The following SGCZ variants were observed in gnomAD, a reference collection of about 807,000 sequenced individuals.
SGCZ encodes sarcoglycan zeta, also known as zeta-sarcoglycan.
A neutral mutation model predicts 41.3 loss-of-function variants in SGCZ; 40 were observed. The observed-to-expected ratio is 0.97, with a 90% CI of 0.75 to 1.26. The LOEUF (loss-of-function observed/expected upper bound fraction) is 1.26, where lower values mean the gene tolerates loss of function less well. Ranked by LOEUF, SGCZ falls within the 50% of genes most tolerant of loss-of-function variation. SGCZ has a pLI of 0.00. For synonymous variants in SGCZ, 206 were observed against 137.5 expected, an observed-to-expected ratio of 1.50 and a Z score of -3.49; for missense variants, 552 against 369.8, an observed-to-expected ratio of 1.49 and a Z score of -4.04.
intron 4 of SGCZ, among the ~76,000 whole-genome samples, chr8:14,176,404 C>T (rs763177422): frequency 1.3e-5 from 2 of 152,076 alleles, no homozygotes; most frequent in Non-Finnish European, 2.9e-5. Flanking sequence ...TTAAAATAAG[C>T]CATGAGCCAA....
At chr8:15,120,275 T>A (rs1225496859) in intron 1 of SGCZ, among the ~76,000 whole-genome samples, 2 of 152,256 alleles carry the variant, frequency 1.3e-5, no homozygotes, top group African/African-American at 4.8e-5. Flanking sequence ...TGTTTAAGCC[T>A]ATTTAAAATT....
intron 1 of SGCZ, among the ~76,000 whole-genome samples, chr8:14,798,434 G>C (rs1459286396): frequency 6.6e-6 from 1 of 152,042 alleles, no homozygotes; most frequent in Admixed American, 6.6e-5. Flanking sequence ...AAGTACACTG[G>C]TTTATCAAAG....
At chr8:14,407,723 T>C (rs954524043) in intron 2 of SGCZ, among the ~76,000 whole-genome samples, 1 of 152,212 alleles carries the variant, frequency 6.6e-6, no homozygotes, top group African/African-American at 2.4e-5. Context: ...TTCCCATTTG[T>C]TGTGAAAAGA....
At chr8:14,726,562 G>C (rs1042547793) in intron 1 of SGCZ, among the ~76,000 whole-genome samples, 1 of 151,626 alleles carries the variant, frequency 6.6e-6, no homozygotes, top group Non-Finnish European at 1.5e-5. Context: ...TAGCAATTAT[G>C]TGTTTCCCCT....
intron 2 of SGCZ, among the ~76,000 whole-genome samples, chr8:14,365,978 G>T (rs1280207600): frequency 6.6e-6 from 1 of 151,904 alleles, no homozygotes; most frequent in Non-Finnish European, 1.5e-5. Context: ...TTCTGTCTTT[G>T]TTATTTTTCT....
intron 4 of SGCZ, among the ~76,000 whole-genome samples, chr8:14,224,012 A>C (rs371940582): frequency 1.3e-5 from 2 of 152,212 alleles, no homozygotes. Flanking sequence ...CAGAGAAGTC[A>C]ACTGGACACC....
At chr8:14,468,449 T>A (rs927058497) in intron 2 of SGCZ, among the ~76,000 whole-genome samples, 1 of 152,122 alleles carries the variant, frequency 6.6e-6, no homozygotes, top group African/African-American at 2.4e-5. Flanking sequence ...TCTCAAAATT[T>A]TTATTCAATG....
intron 1 of SGCZ, among the ~76,000 whole-genome samples, chr8:14,940,834 G>A (rs768368945): frequency 1.3e-5 from 2 of 151,960 alleles, no homozygotes; most frequent in South Asian, 2.1e-4. Flanking sequence ...AGGGGGAGAC[G>A]TTTTACGTGT....
intron 1 of SGCZ, among the ~76,000 whole-genome samples, chr8:14,889,577 T>C (rs1433863707): frequency 6.6e-6 from 1 of 152,074 alleles, no homozygotes; most frequent in Admixed American, 6.5e-5. Context: ...AAAATTCTTA[T>C]CTATAAAATG....
At chr8:14,953,482 C>A (rs891134205) in intron 1 of SGCZ, among the ~76,000 whole-genome samples, 2 of 152,128 alleles carry the variant, frequency 1.3e-5, no homozygotes, top group African/African-American at 4.8e-5. Context: ...CATATTATCA[C>A]CCCTCCCAGC....
chr8:15,005,431 G>C (rs566181378), intron 1 of SGCZ, among the ~76,000 whole-genome samples: 4 of 148,614 alleles, frequency 2.7e-5, no homozygotes, highest in African/African-American at 5.0e-5. Flanking sequence ...TCCTGGGTTC[G>C]AGCGATTCTC....
intron 1 of SGCZ, among the ~76,000 whole-genome samples, chr8:14,626,001 G>C (rs1157943514): frequency 6.6e-6 from 1 of 152,132 alleles, no homozygotes; most frequent in Non-Finnish European, 1.5e-5. Context: ...AAAGAAAAAG[G>C]GGCAGTCGCA....
intron 3 of SGCZ, among the ~76,000 whole-genome samples, chr8:14,254,908 T>C (rs1427925638): frequency 1.3e-5 from 2 of 152,102 alleles, no homozygotes; most frequent in South Asian, 2.1e-4. Context: ...TGACTATGAA[T>C]TTGCACAAAG....
At chr8:14,759,955 G>A (rs891713855) in intron 1 of SGCZ, among the ~76,000 whole-genome samples, 1 of 152,106 alleles carries the variant, frequency 6.6e-6, no homozygotes, top group Non-Finnish European at 1.5e-5. Flanking sequence ...TTAAAAACTT[G>A]AAATTGTAAA....
chr8:14,577,629 C>T (rs965016649), intron 1 of SGCZ, among the ~76,000 whole-genome samples: 1 of 152,124 alleles, frequency 6.6e-6, no homozygotes, highest in African/African-American at 2.4e-5. Context: ...CTCAGGTGAT[C>T]TGCCCGCCTC....
chr8:14,156,509 C>G (rs939899585), intron 5 of SGCZ, among the ~76,000 whole-genome samples: 11 of 151,932 alleles, frequency 7.2e-5, no homozygotes, highest in Non-Finnish European at 1.5e-4. Context: ...TTTCTTTCTT[C>G]AACAATAACC....
intron 1 of SGCZ, among the ~76,000 whole-genome samples, chr8:14,700,583 C>T (rs142692563): frequency 8.4e-4 from 127 of 151,810 alleles, no homozygotes; most frequent in Middle Eastern, 6.8e-3. Flanking sequence ...ATGTAACATA[C>T]CAGCACATGT....
intron 1 of SGCZ, among the ~76,000 whole-genome samples, chr8:15,225,002 A>AT (rs768500093): frequency 1.1e-4 from 17 of 152,182 alleles, no homozygotes; most frequent in Non-Finnish European, 1.9e-4. Context: ...TCTAAACAAA[A>AT]TTTTAACATA....
intron 2 of SGCZ, among the ~76,000 whole-genome samples, chr8:14,553,478 T>C: frequency 6.6e-6 from 1 of 152,100 alleles, no homozygotes; most frequent in East Asian, 1.9e-4. Context: ...CAGTTTCTTA[T>C]TTGATGAATA....
Sources: gnomAD v4.1 joint callset for allele counts (sites outside exome capture counted in the v4.1 genomes callset) on GRCh38, gnomAD v4.1.1 for gene constraint, MANE v1.5 for transcripts, NCBI Gene and HGNC (gene_info 2026-07-23, HGNC 2026-07-21) for gene names.